DNTTIP2: variants seen among roughly 807,000 people sequenced by gnomAD.
DNTTIP2 encodes deoxynucleotidyltransferase terminal interacting protein 2.
A neutral mutation model predicts 62.4 loss-of-function variants in DNTTIP2; 47 were observed. The ratio of observed to expected loss-of-function variants is 0.75; its 90% CI spans 0.60 to 0.96. The LOEUF is 0.96. Among genes scored for constraint, DNTTIP2 ranks in the 40% least tolerant of loss-of-function variants. DNTTIP2 has a pLI of 0.00. For synonymous variants in DNTTIP2, 322 were observed against 300.9 expected (o/e 1.07, Z -0.73); for missense variants, 870 against 849.1 (o/e 1.02, Z -0.31).
At chr1:93,870,066 C>T (rs1208802268) in intron 6 of DNTTIP2, 122 bp from the exon 7 acceptor site, 3 of 593,898 alleles carry the variant, frequency 5.1e-6, no homozygotes, top group East Asian at 2.8e-5. Context: ...GACCTCATAG[C>T]ACTTGCTTGC....
Position 93,870,764 on chromosome 1 carries a change from T to C in DNTTIP2, c.2096A>G (p.Asp699Gly), listed in dbSNP as rs1571182044. The change falls in exon 6 of 7, where the codon GAT (aspartate) becomes GGT (glycine). Residue 699 changes from aspartate to glycine, a missense_variant. Transcript: ENST00000436063. ...QIGTIVDNPA[D>G]FYHSRIPKKQ... ...CTTGGGAATTCGTGAATGGTAGAAA[T>C]CAGCTGGATTGTCAACAATGGTTCC... 1 of 1,565,410 alleles carries C rather than the reference T, an allele frequency of 6.4e-7. No individual in the cohort carries two copies. The highest frequency in any genetic ancestry group is 2.3e-5 in the East Asian group (1 of 43,482).
At position 93,873,141 on chromosome 1, in the gene DNTTIP2, T is replaced by A. The variant is rs1655912450; in HGVS notation, c.1880A>T (p.Tyr627Phe). 1 of 1,612,170 alleles carries A rather than the reference T, an allele frequency of 6.2e-7. No homozygotes were observed. The highest frequency in any genetic ancestry group is 8.5e-7 in the Non-Finnish European group (1 of 1,178,928). ...TACTCTGCGTTTTTTCTGAAGTTGATACTTTGATTCACTATATGGTGGAAC... is the reference window on the plus strand; with the variant it reads ...TACTCTGCGTTTTTTCTGAAGTTGAAACTTTGATTCACTATATGGTGGAAC... The part of the protein sequence containing the change: ...HCVPPYSESK[Y>F]QLQKKRRKER... Residue 627 changes from tyrosine (Y) to phenylalanine (F), a missense_variant, in exon 4 of 7, where the codon TAT (tyrosine) becomes TTT (phenylalanine). Tyr to Phe is a conservative substitution (Grantham distance 22). Transcript: ENST00000436063.
rs114775569 is a variant in DNTTIP2, at chr1:93,871,534, G to A, written c.2067+538C>T. On this transcript the variant is annotated intron_variant, in intron 5 of 6. Coordinates refer to ENST00000436063, the MANE Select transcript of DNTTIP2 (RefSeq NM_014597.5). ...AAATTATGCAGGGACTGGTATGTACGTGTTCTGACAAGACTGAGTAGCTAA... is the reference window on the plus strand; with the variant it reads ...AAATTATGCAGGGACTGGTATGTACATGTTCTGACAAGACTGAGTAGCTAA... 2.6e-3 allele frequency among the ~76,000 whole-genome samples: 394 copies of A among 152,286 alleles called. 1 individual carries two copies. Among genetic ancestry groups the A allele is most frequent in the African/African-American group, 8.7e-3 (362 of 41,554 alleles).
intron 1 of DNTTIP2, among the ~76,000 whole-genome samples, chr1:93,878,188 C>A (rs1656065886): frequency 6.6e-6 from 1 of 152,068 alleles, no homozygotes; most frequent in Non-Finnish European, 1.5e-5. Flanking sequence ...CCTGTAATCC[C>A]AACTACTCAG....
chr1:93,870,916 A>T, intron 5 of DNTTIP2, 124 bp from the exon 6 acceptor site: 1 of 455,852 alleles, frequency 2.2e-6, no homozygotes, highest in Non-Finnish European at 3.8e-6. Context: ...ACTAATAGTA[A>T]TGTAAATTTT....
chr1:93,869,607 A>C lies in DNTTIP2; in HGVS notation c.*244T>G. ...ACTTTACAAACCATCAGTTATCTTAAAATGGTTGAGATTTTTTTTCCTTTT... is the reference window on the plus strand; with the variant it reads ...ACTTTACAAACCATCAGTTATCTTACAATGGTTGAGATTTTTTTTCCTTTT... On this transcript the variant is annotated 3_prime_UTR_variant, in exon 7 of 7. Transcript: ENST00000436063. 3 of 367,790 alleles carry C rather than the reference A, an allele frequency of 8.2e-6. No homozygotes were observed. Among genetic ancestry groups the C allele is most frequent in the Non-Finnish European group, 1.5e-5 (3 of 198,456 alleles). The allele number at this position is 367,790 out of a possible 1,614,324, so 22.8% of individuals were successfully genotyped here.
Position 93,876,799 on chromosome 1 carries a change from T to C in DNTTIP2, c.1136A>G (p.Lys379Arg), listed in dbSNP as rs375968154. Residue 379 changes from lysine to arginine, a missense_variant, in exon 2 of 7, where the codon AAA becomes AGA. By Grantham distance (26) the Lys-to-Arg change is conservative (BLOSUM62 2). Coordinates refer to ENST00000436063, the MANE Select transcript of DNTTIP2 (RefSeq NM_014597.5). ...TVEVGRWNNNKKSPIKASDLT... is the reference protein window; with the variant it reads ...TVEVGRWNNNRKSPIKASDLT... ...GTCACTTGCTTTTATGGGGCTCTTT[T>C]TGTTGTTATTCCATCTGCCTACTTC... 52 of 1,613,824 alleles carry C rather than the reference T, an allele frequency of 3.2e-5. No homozygotes were observed. The highest frequency in any genetic ancestry group is 4.0e-5 in the African/African-American group (3 of 74,914).
rs752271786 is a variant in DNTTIP2, at chr1:93,877,248, G to C, written c.687C>G (p.Ile229Met). Reference protein sequence around the residue: ...SKIVPGNEKQIVGTPVNSEDS... With the variant: ...SKIVPGNEKQMVGTPVNSEDS... ...CCTCTGAATTCACAGGTGTACCCAC[G>C]ATCTGTTTCTCATTTCCTGGTACAA... The change falls in exon 2 of 7, where the codon ATC (isoleucine) becomes ATG (methionine). Residue 229 changes from isoleucine (I) to methionine (M), a missense_variant. Transcript: ENST00000436063. 4 of 1,613,714 alleles carry C rather than the reference G, an allele frequency of 2.5e-6. No individual in the cohort carries two copies. The African/African-American group carries it at 5.3e-5, about 22-fold the overall frequency.
At position 93,869,638 on chromosome 1, in the gene DNTTIP2, A is replaced by T. The variant is rs1051394; in HGVS notation, c.*213T>A. 185,097 of 405,490 alleles carry T rather than the reference A, an allele frequency of 0.46. 43,492 individuals carry two copies. The highest frequency in any genetic ancestry group is 0.61 in the East Asian group (16,248 of 26,438). 25.1% of individuals were successfully genotyped at this position (405,490 alleles called of 1,614,324 possible). ...TTGAGATTTTTTTTCCTTTTTTCCC[A>T]TAAAGAGTCTACACCAGGGTGGGTC... On this transcript the variant is annotated 3_prime_UTR_variant, in exon 7 of 7. Coordinates refer to ENST00000436063, the MANE Select transcript of DNTTIP2 (RefSeq NM_014597.5).
rs1655774066 is a variant in DNTTIP2, at chr1:93,868,515, A to C, written c.*1336T>G. 2 of 152,256 alleles carry C rather than the reference A, an allele frequency of 1.3e-5. No homozygotes were observed. The highest frequency in any genetic ancestry group is 1.3e-4 in the Admixed American group (2 of 15,292). The allele number at this position is 152,256 out of a possible 1,614,324, so 9.4% of individuals were successfully genotyped here. ...TTACTGGGTATATACCCAAAGGATT[A>C]TAAATCATTCTACTATAAAGACACA... On this transcript the variant is annotated 3_prime_UTR_variant, in exon 7 of 7. Coordinates refer to ENST00000436063, the MANE Select transcript of DNTTIP2 (RefSeq NM_014597.5).
intron 1 of DNTTIP2, 79 bp from the exon 2 acceptor site, chr1:93,877,941 G>A (rs1656058024): frequency 1.4e-6 from 2 of 1,463,180 alleles, no homozygotes; most frequent in Non-Finnish European, 9.0e-7. Flanking sequence ...GACCCCAAAA[G>A]CTAAAACCCA....
At chr1:93,871,377 G>A (rs1343572014) in intron 5 of DNTTIP2, among the ~76,000 whole-genome samples, 1 of 152,174 alleles carries the variant, frequency 6.6e-6, no homozygotes, top group African/African-American at 2.4e-5. Context: ...AAACACTATA[G>A]ACGCTCTGAA....
At chr1:93,875,385 G>GA (rs1354744230) in intron 3 of DNTTIP2, among the ~76,000 whole-genome samples, 2 of 151,966 alleles carry the variant, frequency 1.3e-5, no homozygotes, top group Non-Finnish European at 1.5e-5. Flanking sequence ...CAAGAAAAGG[G>GA]AAAAAAACAA....
At chr1:93,872,289 TAATTC>T in intron 4 of DNTTIP2, 53 bp from the exon 5 acceptor site, 2 of 1,551,862 alleles carry the variant, frequency 1.3e-6, no homozygotes, top group South Asian at 2.4e-5. Flanking sequence ...GTATACATTA[TAATTC>T]ATTTCCCCTG....
At position 93,876,614 on chromosome 1, in the gene DNTTIP2, C is replaced by G. The variant is rs762655403; in HGVS notation, c.1321G>C (p.Val441Leu). ...PNTSQGKDNSVLLVLSSDESQ... is the reference protein window; with the variant it reads ...PNTSQGKDNSLLLVLSSDESQ... ...TCATCACTGCTGAGAACTAGTAAGA[C>G]AGAATTATCTTTACCCTGAGATGTG... Residue 441 changes from valine (V) to leucine (L), a missense_variant, in exon 2 of 7, where the codon GTC becomes CTC. Physicochemically the swap from Val to Leu is conservative, Grantham distance 32. Transcript: ENST00000436063. The G allele has an allele frequency of 6.2e-7, 1 of 1,613,804 alleles. No homozygotes were observed. The highest frequency in any genetic ancestry group is 1.3e-5 in the African/African-American group (1 of 74,922).
At position 93,876,999 on chromosome 1, in the gene DNTTIP2, TTC is replaced by T; in HGVS notation, c.934_935del (p.Glu312AsnfsTer2). On this transcript the variant is annotated frameshift_variant, in exon 2 of 7. Coordinates refer to ENST00000436063, the MANE Select transcript of DNTTIP2 (RefSeq NM_014597.5). LOFTEE classifies it high-confidence loss of function. ...TCAGCTGAGAACTTTTCTCATTAATTTCTTTCCCCTCATCTGTTATTCCATTG... is the reference window on the plus strand; with the variant it reads ...TCAGCTGAGAACTTTTCTCATTAATTTTTCCCCTCATCTGTTATTCCATTG... ...DANGITDEGKEINEKSSQLKN... is the reference protein window; with the variant it reads ...DANGITDEGKXINEKSSQLKN... The T allele has an allele frequency of 6.2e-7, 1 of 1,612,980 alleles. No homozygotes were observed. Among genetic ancestry groups the T allele is most frequent in the African/African-American group, 1.3e-5 (1 of 75,052 alleles).
intron 3 of DNTTIP2, chr1:93,873,439 A>AAAAG: frequency 5.4e-6 from 2 of 373,590 alleles, no homozygotes; most frequent in Non-Finnish European, 9.8e-6. Context: ...AAAAAAAAAA[A>AAAAG]AAAAGAAAAG....
In DNTTIP2 at chr1:93,877,118, T is replaced by C. The variant is rs1372062604; in HGVS notation, c.817A>G (p.Ser273Gly). Residue 273 changes from serine (S) to glycine (G), a missense_variant, in exon 2 of 7, where the codon AGT (serine) becomes GGT (glycine). Coordinates refer to ENST00000436063, the MANE Select transcript of DNTTIP2 (RefSeq NM_014597.5). ...NDFDDDFSHR[S>G]SENILTVHEQ... ...TGCACTGTTAATATATTTTCTGAAC[T>C]TCTGTGGGAGAAATCATCATCAAAG... 1 of 1,611,726 alleles carries C rather than the reference T, an allele frequency of 6.2e-7. No individual in the cohort carries two copies. The highest frequency in any genetic ancestry group is 8.5e-7 in the Non-Finnish European group (1 of 1,179,778).
Position 93,877,381 on chromosome 1 carries a change from T to A in DNTTIP2, c.554A>T (p.Asp185Val), listed in dbSNP as rs1656038859. 1.2e-6 allele frequency: 2 copies of A among 1,613,860 alleles called. No individual in the cohort carries two copies. The highest frequency in any genetic ancestry group is 1.7e-6 in the Non-Finnish European group (2 of 1,179,902). The change falls in exon 2 of 7, where the codon GAT (aspartate) becomes GTT (valine). Residue 185 changes from aspartate to valine, a missense_variant. Asp to Val is a radical substitution (Grantham distance 152, BLOSUM62 -3). Coordinates refer to ENST00000436063, the MANE Select transcript of DNTTIP2 (RefSeq NM_014597.5). ...AATGTCTGAGCTTGATGTCTCAGCATCAGATATAGCTTCTGTATGAGATTC... is the reference window on the plus strand; with the variant it reads ...AATGTCTGAGCTTGATGTCTCAGCAACAGATATAGCTTCTGTATGAGATTC... ...SQESHTEAIS[D>V]AETSSSDISF... is the part of the protein sequence containing the mutation.
Sources: allele counts gnomAD v4.1 joint callset (sites outside exome capture counted in the v4.1 genomes callset), GRCh38; gene constraint gnomAD v4.1.1; transcripts MANE v1.5; gene names NCBI Gene and HGNC (gene_info 2026-07-23, HGNC 2026-07-21).